Variants in ENTPD3 observed in about 807,000 individuals in gnomAD.
The protein encoded by ENTPD3 is ectonucleoside triphosphate diphosphohydrolase 3, also known as CD39 antigen-like 3.
Under a neutral mutation model 51.2 loss-of-function variants are expected in ENTPD3, and 60 were observed. That is an observed-to-expected ratio of 1.17 (90% CI 0.95 to 1.45). The LOEUF (loss-of-function observed/expected upper bound fraction) is 1.45. ENTPD3 is among the 40% of genes most tolerant of loss of function. The pLI is 0.00. For synonymous variants in ENTPD3, 221 were observed against 238.4 expected (o/e 0.93, Z 0.67); for missense variants, 593 against 641.1 (o/e 0.93, Z 0.81).
At chr3:40,387,804 CT>C (rs1472362065) in intron 1 of ENTPD3, among the ~76,000 whole-genome samples, 1 of 152,098 alleles carries the variant, frequency 6.6e-6, no homozygotes, top group Non-Finnish European at 1.5e-5. Flanking sequence ...TTCGGAAAAC[CT>C]TTTCAGTTTG....
rs555470443 is a variant in ENTPD3, at chr3:40,410,832, G to A, written c.287-980G>A. 2.6e-4 allele frequency among the ~76,000 whole-genome samples: 39 copies of A among 152,122 alleles called. No individual in the cohort carries two copies. In the South Asian group the frequency reaches 3.1e-3, roughly 12 times the overall value. On this transcript the variant is annotated intron_variant, in intron 4 of 10. Coordinates refer to ENST00000301825, the MANE Select transcript of ENTPD3 (RefSeq NM_001248.4). ...AAGAGACTTAAGATTGCACTGTACCGAATTTATTGGGATCCTGACTCATAC... is the reference window on the plus strand; with the variant it reads ...AAGAGACTTAAGATTGCACTGTACCAAATTTATTGGGATCCTGACTCATAC...
intron 3 of ENTPD3, among the ~76,000 whole-genome samples, chr3:40,396,467 C>G (rs959802162): frequency 1.6e-4 from 24 of 152,222 alleles, no homozygotes; most frequent in African/African-American, 5.5e-4. Flanking sequence ...CTGGAGGGCT[C>G]TGAAATGTTA....
rs186523579 is a variant in ENTPD3 at position 40,427,841 on chromosome 3, C to G, written c.*333C>G. 5.2e-3 allele frequency: 1,428 copies of G among 272,570 alleles called. 11 individuals carry two copies. The highest frequency in any genetic ancestry group is 0.017 in the Middle Eastern group (14 of 816). 16.9% of individuals were successfully genotyped at this position (272,570 alleles called of 1,614,324 possible). ...TATCAGTTTAATGTTGAAGAATTGA[C>G]CTCAGGGCTCAGTTTCCATTTCCCT... On this transcript the variant is annotated 3_prime_UTR_variant, in exon 11 of 11. Coordinates refer to ENST00000301825, the MANE Select transcript of ENTPD3 (RefSeq NM_001248.4).
chr3:40,391,859 AG>A, intron 2 of ENTPD3, 163 bp from the exon 3 acceptor site: 1 of 750,518 alleles, frequency 1.3e-6, no homozygotes, highest in South Asian at 1.7e-5. Flanking sequence ...ACTGGGGAGA[AG>A]GGGAGCTTAT....
intron 3 of ENTPD3, among the ~76,000 whole-genome samples, chr3:40,393,259 G>A (rs1446443470): frequency 2.0e-5 from 3 of 152,122 alleles, no homozygotes; most frequent in African/African-American, 7.2e-5. Context: ...TTTAGGCTTT[G>A]AGGTCCATTT....
At chr3:40,389,703 GAGTT>G (rs973012016) in intron 2 of ENTPD3, among the ~76,000 whole-genome samples, 11 of 152,236 alleles carry the variant, frequency 7.2e-5, no homozygotes, top group Non-Finnish European at 1.3e-4. Flanking sequence ...GAGATGGAAA[GAGTT>G]AGCTGTTCTG....
Position 40,427,396 on chromosome 3 carries a change from T to A in ENTPD3, c.1478T>A (p.Phe493Tyr). Reference protein sequence around the residue: ...EPPVFVGTLAFFTAAALLCLA... With the variant: ...EPPVFVGTLAYFTAAALLCLA... ...CCTGTCTTTGTGGGCACCCTCGCTT[T>A]CTTCACAGCGGCAGCCTTGCTGTGT... Residue 493 changes from phenylalanine (F) to tyrosine (Y), a missense_variant, in exon 11 of 11, where the codon TTC becomes TAC. Physicochemically the swap from Phe to Tyr is conservative, Grantham distance 22. Transcript: ENST00000301825. 1 of 1,613,934 alleles carries A rather than the reference T, an allele frequency of 6.2e-7. No homozygotes were observed. Among genetic ancestry groups the A allele is most frequent in the East Asian group, 2.2e-5 (1 of 44,866 alleles).
Position 40,408,142 on chromosome 3 carries a change from T to A in ENTPD3, c.287-3670T>A, listed in dbSNP as rs572784526. ...CAGGAAAACTGTTACAGAATGAGAA[T>A]CTTAAAAAACATCCAAATGCACATA... On this transcript the variant is annotated intron_variant, in intron 4 of 10. Transcript: ENST00000301825. 1.6e-4 allele frequency among the ~76,000 whole-genome samples: 25 copies of A among 152,244 alleles called. 1 individual carries two copies. Among genetic ancestry groups the A allele is most frequent in the Admixed American group, 1.6e-3 (24 of 15,286 alleles).
intron 3 of ENTPD3, among the ~76,000 whole-genome samples, chr3:40,400,625 T>A (rs531244118): frequency 6.6e-6 from 1 of 151,796 alleles, no homozygotes; most frequent in African/African-American, 2.4e-5. Flanking sequence ...AGACTTGGCA[T>A]TGGGGGATTT....
chr3:40,401,289 A>G (rs1955350076), intron 4 of ENTPD3, among the ~76,000 whole-genome samples: 1 of 152,136 alleles, frequency 6.6e-6, no homozygotes, highest in South Asian at 2.1e-4. Flanking sequence ...ACCCTGCCAT[A>G]TTTTCATGGG....
intron 3 of ENTPD3, among the ~76,000 whole-genome samples, chr3:40,392,825 G>A (rs778995238): frequency 6.6e-6 from 1 of 152,016 alleles, no homozygotes; most frequent in Non-Finnish European, 1.5e-5. Context: ...AAGGAAAAAA[G>A]AAGTCAAGAC....
At chr3:40,403,332 T>C (rs1242401907) in intron 4 of ENTPD3, among the ~76,000 whole-genome samples, 1 of 152,138 alleles carries the variant, frequency 6.6e-6, no homozygotes, top group Non-Finnish European at 1.5e-5. Flanking sequence ...TGCACTATTA[T>C]AGCAGAAAGT....
chr3:40,427,727 G>T lies in ENTPD3; in HGVS notation c.*219G>T. 3.5e-6 allele frequency: 2 copies of T among 565,276 alleles called. No individual in the cohort carries two copies. Among genetic ancestry groups the T allele is most frequent in the South Asian group, 2.1e-5 (1 of 48,626 alleles). The allele number at this position is 565,276 out of a possible 1,614,324, so 35.0% of individuals were successfully genotyped here. A position where few individuals can be genotyped will look rare whatever the true frequency, so the allele number is the denominator to read the frequency against. On this transcript the variant is annotated 3_prime_UTR_variant, in exon 11 of 11. Transcript: ENST00000301825. ...TCTTCAGAGACCTCACTACCCACAT[G>T]CTGATCTATTGGGGAACAGAGAAGA...
chr3:40,414,870 T>A, intron 6 of ENTPD3, 30 bp downstream of exon 6: 1 of 1,611,834 alleles, frequency 6.2e-7, no homozygotes, highest in Middle Eastern at 1.7e-4. Flanking sequence ...TGGTTTTTAA[T>A]CTTACTGTTT....
rs754941697 is a variant in ENTPD3 at position 40,400,917 on chromosome 3, G to A, written c.192G>A (p.Gly64=). ...AGTATGGTATTGTGCTGGATGCCGG[G>A]TCTTCAAGAACCACAGTCTACGTGT... ...GLKYGIVLDA[G]SSRTTVYVYQ... is the part of the protein sequence containing the mutation. The change falls in exon 4 of 11, where the codon GGG becomes GGA. Residue 64 remains glycine (G), a synonymous_variant. Transcript: ENST00000301825. 59 of 1,613,586 alleles carry A rather than the reference G, an allele frequency of 3.7e-5. No homozygotes were observed. Among genetic ancestry groups the A allele is most frequent in the Non-Finnish European group, 4.7e-5 (55 of 1,179,934 alleles).
intron 5 of ENTPD3, among the ~76,000 whole-genome samples, chr3:40,413,569 G>C: frequency 6.6e-6 from 1 of 152,078 alleles, no homozygotes; most frequent in East Asian, 1.9e-4. Context: ...AAACAAAACA[G>C]CTCTTAAGAA....
chr3:40,426,918 C>T (rs6795906), intron 10 of ENTPD3, among the ~76,000 whole-genome samples: 2 of 152,248 alleles, frequency 1.3e-5, no homozygotes, highest in Admixed American at 1.3e-4. Flanking sequence ...TTCTTAGGAA[C>T]TGGTCCTGGG....
At chr3:40,397,369 C>T (rs1004680183) in intron 3 of ENTPD3, among the ~76,000 whole-genome samples, 2 of 151,704 alleles carry the variant, frequency 1.3e-5, no homozygotes, top group African/African-American at 4.9e-5. Context: ...TTCCTTGGAG[C>T]TCAGTGAAAA....
At chr3:40,409,879 GAAAA>G (rs900624335) in intron 4 of ENTPD3, among the ~76,000 whole-genome samples, 4 of 149,956 alleles carry the variant, frequency 2.7e-5, no homozygotes, top group African/African-American at 9.8e-5. Context: ...TGAATGCAAA[GAAAA>G]AAAAAGTGGA....
Sources: allele counts gnomAD v4.1 joint callset (sites outside exome capture counted in the v4.1 genomes callset), GRCh38; gene constraint gnomAD v4.1.1; transcripts MANE v1.5; gene names NCBI Gene and HGNC (gene_info 2026-07-23, HGNC 2026-07-21).